ULK4: variants seen among roughly 807,000 people sequenced by gnomAD.
ULK4 encodes the protein inactive serine/threonine-protein kinase ULK4.
A neutral mutation model predicts 160.6 loss-of-function variants in ULK4; 133 were observed. That is an observed-to-expected ratio of 0.83 (90% CI 0.72 to 0.96). The LOEUF (loss-of-function observed/expected upper bound fraction) is 0.96, where lower values mean the gene tolerates loss of function less well. Among genes scored for constraint, ULK4 ranks in the 40% least tolerant of loss-of-function variants. ULK4 has a pLI of 0.00. For synonymous variants in ULK4, 534 were observed against 539.8 expected (o/e 0.99, Z 0.15); for missense variants, 1,580 against 1,499.5 (o/e 1.05, Z -0.89).
intron 1 of ULK4, among the ~76,000 whole-genome samples, chr3:41,959,018 A>C (rs1700577988): frequency 6.6e-6 from 1 of 152,200 alleles, no homozygotes; most frequent in South Asian, 2.1e-4. Flanking sequence ...ACCTGAAGTC[A>C]GGAGTTCAAG....
intron 2 of ULK4, among the ~76,000 whole-genome samples, chr3:41,951,061 G>T (rs1022553699): frequency 6.9e-6 from 1 of 145,454 alleles, no homozygotes; most frequent in Non-Finnish European, 1.5e-5. Context: ...GGAGAATGGC[G>T]TGAACCCCGG....
intron 32 of ULK4, among the ~76,000 whole-genome samples, chr3:41,474,821 T>TTAAA (rs2084090514): frequency 1.4e-5 from 2 of 140,862 alleles, no homozygotes; most frequent in South Asian, 2.3e-4. Flanking sequence ...TGATTATTAT[T>TTAAA]AAAAAAAAAA....
intron 17 of ULK4, chr3:41,854,074 T>C (rs73830530): frequency 6.6e-6 from 1 of 152,210 alleles, no homozygotes; most frequent in African/African-American, 2.4e-5. Context: ...CCTGTCAAGA[T>C]AGCCAACCTG....
intron 35 of ULK4, among the ~76,000 whole-genome samples, chr3:41,391,284 T>G (rs1354642866): frequency 6.6e-6 from 1 of 152,120 alleles, no homozygotes; most frequent in East Asian, 1.9e-4. Context: ...CATCCTCTCA[T>G]GGTTTTAGGA....
chr3:41,504,230 TGTCC>T (rs2085305401), intron 32 of ULK4, among the ~76,000 whole-genome samples: 2 of 152,120 alleles, frequency 1.3e-5, no homozygotes, highest in South Asian at 4.1e-4. Flanking sequence ...TCATCTCACA[TGTCC>T]TATCTGCTAA....
At chr3:41,489,048 C>T (rs1165880455) in intron 32 of ULK4, among the ~76,000 whole-genome samples, 1 of 152,124 alleles carries the variant, frequency 6.6e-6, no homozygotes, top group Non-Finnish European at 1.5e-5. Context: ...CCCCCAACCC[C>T]TGACCCTCAG....
At chr3:41,900,591 A>T in intron 13 of ULK4, 134 bp downstream of exon 13, 1 of 715,692 alleles carries the variant, frequency 1.4e-6, no homozygotes, top group Non-Finnish European at 2.3e-6. Context: ...GCAGACATGC[A>T]GCACAAATGA....
chr3:41,250,112 C>A (rs1010007879), intron 35 of ULK4, among the ~76,000 whole-genome samples: 1 of 152,128 alleles, frequency 6.6e-6, no homozygotes, highest in Non-Finnish European at 1.5e-5. Context: ...AACACTTGGG[C>A]ATGCCTGACT....
In ULK4 at chr3:41,246,973, C is replaced by A; in HGVS notation, c.3784G>T (p.Val1262Leu). 1 of 1,613,946 alleles carries A rather than the reference C, an allele frequency of 6.2e-7. No individual in the cohort carries two copies. Among genetic ancestry groups the A allele is most frequent in the African/African-American group, 1.3e-5 (1 of 75,074 alleles). Residue 1262 changes from valine to leucine, a missense_variant, in exon 37 of 37, where the codon GTG becomes TTG. Physicochemically the swap from Val to Leu is conservative, Grantham distance 32. Transcript: ENST00000301831. ...PGSGSFADSA[V>L]APLALEILQA... ...AGGATTTCCAGGGCCAAGGGAGCCA[C>A]CGCACTGTCGGCAAATGAACTGTAA... is the stretch of plus-strand genomic sequence containing the variant.
chr3:41,386,874 C>T (rs1208778249), intron 35 of ULK4, among the ~76,000 whole-genome samples: 1 of 152,062 alleles, frequency 6.6e-6, no homozygotes, highest in East Asian at 1.9e-4. Context: ...GTGATCTTGT[C>T]GATACCTATG....
chr3:41,799,898 A>G (rs1429126649), intron 20 of ULK4, among the ~76,000 whole-genome samples: 1 of 152,152 alleles, frequency 6.6e-6, no homozygotes, highest in African/African-American at 2.4e-5. Flanking sequence ...TTTTGAAACC[A>G]TAATACCATA....
chr3:41,443,587 T>A (rs1049964885), intron 34 of ULK4, among the ~76,000 whole-genome samples: 3 of 152,152 alleles, frequency 2.0e-5, no homozygotes, highest in African/African-American at 7.2e-5. Flanking sequence ...CCAGTTAACA[T>A]ACCATGGTAA....
At chr3:41,671,354 T>A (rs1293265841) in intron 29 of ULK4, among the ~76,000 whole-genome samples, 1 of 152,094 alleles carries the variant, frequency 6.6e-6, no homozygotes, top group Non-Finnish European at 1.5e-5. Flanking sequence ...TACAAAGTTA[T>A]AGTAACCAAA....
intron 31 of ULK4, among the ~76,000 whole-genome samples, chr3:41,568,369 G>A (rs1228172556): frequency 6.6e-6 from 1 of 152,192 alleles, no homozygotes; most frequent in African/African-American, 2.4e-5. Context: ...ATTTAAAGAA[G>A]TAGACATATG....
chr3:41,698,155 T>C (rs2036560746), intron 27 of ULK4, among the ~76,000 whole-genome samples: 1 of 152,134 alleles, frequency 6.6e-6, no homozygotes, highest in South Asian at 2.1e-4. Context: ...TTCTATGGTG[T>C]TTGCACAACC....
intron 21 of ULK4, among the ~76,000 whole-genome samples, chr3:41,783,652 G>C (rs1330375235): frequency 6.6e-6 from 1 of 152,102 alleles, no homozygotes; most frequent in Non-Finnish European, 1.5e-5. Flanking sequence ...GGGGCTACAG[G>C]TGCATACCAC....
chr3:41,594,302 C>T (rs1455197396), intron 31 of ULK4, among the ~76,000 whole-genome samples: 1 of 152,080 alleles, frequency 6.6e-6, no homozygotes, highest in African/African-American at 2.4e-5. Flanking sequence ...TTTGGGAGGC[C>T]AAGATGGGAC....
chr3:41,688,718 T>C (rs192765772), intron 27 of ULK4, among the ~76,000 whole-genome samples: 1 of 152,326 alleles, frequency 6.6e-6, no homozygotes, highest in East Asian at 1.9e-4. Flanking sequence ...CAATTTAGTG[T>C]CCTTTCCAAG....
At chr3:41,664,224 C>T (rs1287588158) in intron 29 of ULK4, among the ~76,000 whole-genome samples, 1 of 152,160 alleles carries the variant, frequency 6.6e-6, no homozygotes, top group African/African-American at 2.4e-5. Flanking sequence ...AAACATTAGG[C>T]ATCTGTGTTG....
Sources: gnomAD v4.1 joint callset for allele counts (sites outside exome capture counted in the v4.1 genomes callset) on GRCh38, gnomAD v4.1.1 for gene constraint, MANE v1.5 for transcripts, NCBI Gene and HGNC (gene_info 2026-07-23, HGNC 2026-07-21) for gene names.